Variants in SHROOM3 observed in about 807,000 individuals in gnomAD.
The protein encoded by SHROOM3 is protein Shroom3.
Under a neutral mutation model 138.6 loss-of-function variants are expected in SHROOM3, and 47 were observed. The observed-to-expected ratio is 0.34, with a 90% CI of 0.27 to 0.43. The LOEUF is 0.43. Ranked by LOEUF, SHROOM3 falls within the 20% of genes least tolerant of loss-of-function variation. The pLI is 1.00. For missense variants in SHROOM3, 2,491 were observed against 2,596.5 expected (o/e 0.96, Z 0.88); for synonymous variants, 1,062 against 1,063.3 (o/e 1.00, Z 0.02).
intron 2 of SHROOM3, chr4:76,628,825 G>A (rs1735220580): frequency 6.7e-6 from 1 of 149,326 alleles, no homozygotes; most frequent in African/African-American, 2.5e-5. Context: ...TTCTAGGGTA[G>A]GAAAAAGGGT....
intron 1 of SHROOM3, among the ~76,000 whole-genome samples, chr4:76,496,010 A>G (rs1579193892): frequency 6.6e-6 from 1 of 152,362 alleles, no homozygotes; most frequent in East Asian, 1.9e-4. Context: ...AGTGGACCAA[A>G]GCTGTTCATA....
chr4:76,452,373 C>T (rs1730943722), intron 1 of SHROOM3, among the ~76,000 whole-genome samples: 1 of 152,214 alleles, frequency 6.6e-6, no homozygotes, highest in African/African-American at 2.4e-5. Flanking sequence ...CCATTAAAAA[C>T]CAATTCTCCA....
chr4:76,700,840 G>A (rs1440331851), intron 2 of SHROOM3, among the ~76,000 whole-genome samples: 1 of 151,868 alleles, frequency 6.6e-6, no homozygotes, highest in Non-Finnish European at 1.5e-5. Flanking sequence ...GAGTGCAGTG[G>A]CATGATCTCA....
At chr4:76,570,397 C>T (rs1043185057) in intron 2 of SHROOM3, among the ~76,000 whole-genome samples, 1 of 152,150 alleles carries the variant, frequency 6.6e-6, no homozygotes, top group Non-Finnish European at 1.5e-5. Context: ...TGAGAAAATG[C>T]AACCTGGGGC....
At chr4:76,480,320 A>T (rs998638329) in intron 1 of SHROOM3, among the ~76,000 whole-genome samples, 1 of 152,228 alleles carries the variant, frequency 6.6e-6, no homozygotes, top group South Asian at 2.1e-4. Context: ...AAAGCAAAAA[A>T]GGAAAAGCAG....
At chr4:76,456,619 A>C (rs1006947337) in intron 1 of SHROOM3, among the ~76,000 whole-genome samples, 2 of 152,250 alleles carry the variant, frequency 1.3e-5, no homozygotes, top group Non-Finnish European at 2.9e-5. Flanking sequence ...AAAACTTCGA[A>C]AAATCTATCA....
chr4:76,685,821 T>G (rs1719319702), intron 2 of SHROOM3, among the ~76,000 whole-genome samples: 1 of 151,946 alleles, frequency 6.6e-6, no homozygotes, highest in Non-Finnish European at 1.5e-5. Flanking sequence ...CTACTAAAAG[T>G]ACAAAAATTA....
intron 1 of SHROOM3, among the ~76,000 whole-genome samples, chr4:76,502,605 A>G (rs1180846805): frequency 2.0e-5 from 3 of 152,242 alleles, no homozygotes; most frequent in African/African-American, 7.2e-5. Context: ...ACCCTCTGGC[A>G]TCAGAAGTGT....
chr4:76,748,535 C>T (rs1721517366), intron 5 of SHROOM3, among the ~76,000 whole-genome samples: 1 of 152,088 alleles, frequency 6.6e-6, no homozygotes. Flanking sequence ...TTATTGCACC[C>T]GATTACAATC....
At chr4:76,678,955 C>T (rs1422445490) in intron 2 of SHROOM3, among the ~76,000 whole-genome samples, 3 of 152,212 alleles carry the variant, frequency 2.0e-5, no homozygotes, top group Admixed American at 6.5e-5. Flanking sequence ...AGCCACCCCA[C>T]CCAGCCGAGC....
intron 1 of SHROOM3, among the ~76,000 whole-genome samples, chr4:76,443,244 A>T (rs66506142): frequency 0.058 from 8,810 of 152,308 alleles, 275 homozygotes; most frequent in Middle Eastern, 0.075. Flanking sequence ...TTCAAGTAGC[A>T]TGCTGACATG....
intron 9 of SHROOM3, among the ~76,000 whole-genome samples, chr4:76,763,064 T>C (rs1722035437): frequency 6.6e-6 from 1 of 152,116 alleles, no homozygotes; most frequent in African/African-American, 2.4e-5. Flanking sequence ...TTTTGGAATG[T>C]AACAAAGGCT....
chr4:76,740,307 C>G lies in SHROOM3; in HGVS notation c.2134C>G (p.Leu712Val). The change falls in exon 5 of 11, where the codon CTC becomes GTC. Residue 712 changes from leucine (L) to valine (V), a missense_variant. This residue lies in a region of SHROOM3 where 1,733 missense variants were observed against 1,661.6 expected (regional missense o/e 1.04). Coordinates refer to ENST00000296043, the MANE Select transcript of SHROOM3 (RefSeq NM_020859.4). This position sits in a 1 kb window ranked among gnomAD's most constrained non-coding sequence, Gnocchi z 4.0. Reference sequence around the variant, plus strand: ...CCCTGGGAGGAAAGCCGCTCCTGACCTCGGGAGCCATCTGGACCGGCAGGT... The same window carrying G: ...CCCTGGGAGGAAAGCCGCTCCTGACGTCGGGAGCCATCTGGACCGGCAGGT... ...EDPGRKAAPD[L>V]GSHLDRQVSY... 6.2e-7 allele frequency: 1 copy of G among 1,613,170 alleles called. No individual in the cohort carries two copies. Among genetic ancestry groups the G allele is most frequent in the Non-Finnish European group, 8.5e-7 (1 of 1,180,040 alleles).
At chr4:76,593,031 G>A (rs989840706) in intron 2 of SHROOM3, among the ~76,000 whole-genome samples, 3 of 152,082 alleles carry the variant, frequency 2.0e-5, no homozygotes, top group East Asian at 1.9e-4. Flanking sequence ...AACTTATGTC[G>A]AGTGATGACT....
chr4:76,580,747 C>G (rs895113878), intron 2 of SHROOM3, among the ~76,000 whole-genome samples: 4 of 152,150 alleles, frequency 2.6e-5, no homozygotes, highest in Non-Finnish European at 5.9e-5. Flanking sequence ...AGTTTTTAAT[C>G]TCTCTGTGCT....
At chr4:76,689,130 C>T (rs1719421828) in intron 2 of SHROOM3, among the ~76,000 whole-genome samples, 1 of 152,052 alleles carries the variant, frequency 6.6e-6, no homozygotes, top group African/African-American at 2.4e-5. Context: ...AATTAAGGCA[C>T]CTTTCTGATT....
intron 10 of SHROOM3, among the ~76,000 whole-genome samples, chr4:76,775,340 G>C (rs1722516653): frequency 6.6e-6 from 1 of 151,434 alleles, no homozygotes; most frequent in African/African-American, 2.4e-5. Context: ...GTGTGTGTGT[G>C]TGTAAACCAC....
chr4:76,704,021 C>G (rs987811862), intron 2 of SHROOM3, among the ~76,000 whole-genome samples: 1 of 152,154 alleles, frequency 6.6e-6, no homozygotes, highest in African/African-American at 2.4e-5. Flanking sequence ...TGAGATGGAT[C>G]AAAAGTTAGG....
chr4:76,744,910 T>C (rs1474820982), intron 5 of SHROOM3, among the ~76,000 whole-genome samples: 1 of 152,242 alleles, frequency 6.6e-6, no homozygotes, highest in Non-Finnish European at 1.5e-5. Context: ...AAAGTCATCA[T>C]GGAAATCAGT....
Sources: allele counts gnomAD v4.1 joint callset (sites outside exome capture counted in the v4.1 genomes callset), GRCh38; gene constraint gnomAD v4.1.1; regional missense constraint gnomAD v4.1.1; non-coding constraint Gnocchi (gnomAD v3.1); transcripts MANE v1.5; gene names NCBI Gene and HGNC (gene_info 2026-07-23, HGNC 2026-07-21).